The following C12orf42 variants were observed in gnomAD, a reference collection of about 807,000 sequenced individuals.
C12orf42 encodes uncharacterized protein C12orf42.
C12orf42 carries 25 observed loss-of-function variants against 21.6 expected under a neutral mutation model. The observed-to-expected ratio is 1.16, with a 90% CI of 0.84 to 1.62. The LOEUF (loss-of-function observed/expected upper bound fraction) is 1.62. Ranked by LOEUF, C12orf42 falls within the 40% of genes most tolerant of loss-of-function variation. The pLI, the probability that C12orf42 is intolerant of heterozygous loss-of-function variation, is 0.00. For missense variants in C12orf42, 483 were observed against 459.3 expected (o/e 1.05, Z -0.47); for synonymous variants, 174 against 175.0 (o/e 0.99, Z 0.05).
the C12orf42 span, among the ~76,000 whole-genome samples, chr12:103,114,463 T>C: frequency 6.6e-6 from 1 of 152,142 alleles, no homozygotes. Flanking sequence ...GTTCTCAGGC[T>C]CCACTCCAGA....
At chr12:103,068,921 A>C in the C12orf42 span, among the ~76,000 whole-genome samples, 16 of 119,030 alleles carry the variant, frequency 1.3e-4, no homozygotes, top group South Asian at 2.6e-4. Flanking sequence ...AGATATATAT[A>C]TCTCTCTCTC....
intron 4 of C12orf42, among the ~76,000 whole-genome samples, chr12:103,278,425 A>G (rs941530482): frequency 6.6e-6 from 1 of 152,260 alleles, no homozygotes; most frequent in African/African-American, 2.4e-5. Flanking sequence ...CAAACTGAGC[A>G]TTCAGTGATT....
At chr12:103,142,567 CAG>C in the C12orf42 span, among the ~76,000 whole-genome samples, 35 of 149,970 alleles carry the variant, frequency 2.3e-4, no homozygotes, top group Non-Finnish European at 2.1e-4. Context: ...TTAAGTGCAT[CAG>C]AGAGAGAGAG....
the C12orf42 span, among the ~76,000 whole-genome samples, chr12:103,195,604 G>A: frequency 2.6e-5 from 4 of 151,966 alleles, no homozygotes; most frequent in Non-Finnish European, 5.9e-5. Context: ...TTTGCAAATT[G>A]TCTGTTCATG....
At chr12:103,502,597 A>G in the C12orf42 span, among the ~76,000 whole-genome samples, 1 of 152,152 alleles carries the variant, frequency 6.6e-6, no homozygotes, top group South Asian at 2.1e-4. Context: ...AGCACAAACC[A>G]GCTGCACATC....
At chr12:103,069,832 T>G in the C12orf42 span, among the ~76,000 whole-genome samples, 1 of 152,204 alleles carries the variant, frequency 6.6e-6, no homozygotes, top group African/African-American at 2.4e-5. Flanking sequence ...GGTTGAAGTA[T>G]TCCTTCTCCA....
chr12:103,294,602 AAG>A (rs2037104784), intron 4 of C12orf42, among the ~76,000 whole-genome samples: 1 of 141,320 alleles, frequency 7.1e-6, no homozygotes, highest in East Asian at 3.0e-4. Flanking sequence ...GAAAGAAAGA[AAG>A]AAAGAAAGAA....
intron 4 of C12orf42, among the ~76,000 whole-genome samples, chr12:103,343,213 C>G (rs1201046345): frequency 2.0e-5 from 3 of 152,146 alleles, no homozygotes. Flanking sequence ...TCATATCTTC[C>G]TTTAATTTTT....
chr12:103,259,512 C>T (rs2034784255), intron 10 of C12orf42, among the ~76,000 whole-genome samples: 1 of 152,180 alleles, frequency 6.6e-6, no homozygotes, highest in Non-Finnish European at 1.5e-5. Context: ...CTCCTGGCCT[C>T]AGGTGATCCA....
chr12:103,146,567 A>AGAAAGAAAGAAT, the C12orf42 span, among the ~76,000 whole-genome samples: 6,121 of 140,318 alleles, frequency 0.044, 151 homozygotes, highest in African/African-American at 0.061. Context: ...AAGAAAAGAA[A>AGAAAGAAAGAAT]GAAAGAAAGA....
chr12:103,152,137 T>C, the C12orf42 span, among the ~76,000 whole-genome samples: 1 of 152,214 alleles, frequency 6.6e-6, no homozygotes, highest in African/African-American at 2.4e-5. Context: ...TGAAAGGAAC[T>C]GAATTCTGCT....
At chr12:103,313,426 G>C (rs2039155687) in intron 4 of C12orf42, among the ~76,000 whole-genome samples, 1 of 152,184 alleles carries the variant, frequency 6.6e-6, no homozygotes, top group Admixed American at 6.5e-5. Context: ...CCACACCCAA[G>C]AGGTGGCAGA....
chr12:103,207,331 C>G, the C12orf42 span, among the ~76,000 whole-genome samples: 1 of 152,216 alleles, frequency 6.6e-6, no homozygotes, highest in South Asian at 2.1e-4. Context: ...AACAGGGGAT[C>G]CTGATACCCA....
In C12orf42 at chr12:103,383,182, T is replaced by C. The variant is rs185158614; in HGVS notation, c.148-14184A>G. 2.4e-3 allele frequency among the ~76,000 whole-genome samples: 371 copies of C among 151,746 alleles called. 3 individuals are homozygous for C. Among genetic ancestry groups the C allele is most frequent in the African/African-American group, 8.4e-3 (348 of 41,396 alleles). On this transcript the variant is annotated intron_variant, in intron 3 of 5. Transcript: ENST00000548883. The stretch of plus-strand genomic sequence containing the variant: ...GCTCTGTTGCCCAGGCTGGAGTGCA[T>C]TGGTGCAATCTTGGCTCATTGCAAT...
intron 4 of C12orf42, among the ~76,000 whole-genome samples, chr12:103,323,372 G>T (rs1210150134): frequency 2.0e-5 from 3 of 152,190 alleles, no homozygotes; most frequent in Non-Finnish European, 4.4e-5. Context: ...TTAGATGCCT[G>T]TTCAACACAG....
At chr12:103,341,575 G>C (rs1005564482) in intron 4 of C12orf42, among the ~76,000 whole-genome samples, 1 of 152,026 alleles carries the variant, frequency 6.6e-6, no homozygotes, top group African/African-American at 2.4e-5. Flanking sequence ...AGAGACAAAA[G>C]AACAGAGAAC....
chr12:103,461,461 A>C (rs375021197), intron 2 of C12orf42, among the ~76,000 whole-genome samples: 43 of 152,352 alleles, frequency 2.8e-4, no homozygotes, highest in African/African-American at 8.7e-4. Flanking sequence ...AAAAAAATGT[A>C]CATAGACTAT....
chr12:103,320,887 T>C (rs11111527), intron 4 of C12orf42, among the ~76,000 whole-genome samples: 13,537 of 152,252 alleles, frequency 0.089, 591 homozygotes, highest in East Asian at 0.18. Flanking sequence ...TAGGTGAGTA[T>C]ACCTTTTTTA....
the C12orf42 span, among the ~76,000 whole-genome samples, chr12:103,052,258 T>C: frequency 1.3e-5 from 2 of 152,182 alleles, no homozygotes; most frequent in Non-Finnish European, 2.9e-5. Flanking sequence ...GGTTTATAGA[T>C]GCTGCCAAAT....
Sources: allele counts gnomAD v4.1 joint callset (sites outside exome capture counted in the v4.1 genomes callset), GRCh38; gene constraint gnomAD v4.1.1; transcripts MANE v1.5; gene names NCBI Gene and HGNC (gene_info 2026-07-23, HGNC 2026-07-21).